AGTPBP1: variants seen among roughly 807,000 people sequenced by gnomAD.
AGTPBP1 encodes the protein cytosolic carboxypeptidase 1.
Under a neutral mutation model 143.9 loss-of-function variants are expected in AGTPBP1, and 70 were observed. The observed-to-expected ratio is 0.49, with a 90% CI of 0.40 to 0.59. AGTPBP1 has a LOEUF of 0.59. Among genes scored for constraint, AGTPBP1 ranks in the 20% least tolerant of loss-of-function variants. The probability of loss-of-function intolerance (pLI) is 0.00; values close to 1 mark genes in which losing one functional copy is unlikely to be tolerated. For synonymous variants in AGTPBP1, 463 were observed against 500.2 expected (o/e 0.93, Z 0.99); for missense variants, 1,229 against 1,464.5 (o/e 0.84, Z 2.62).
At chr9:85,727,784 A>T (rs1344094964) in intron 1 of AGTPBP1, among the ~76,000 whole-genome samples, 3 of 152,120 alleles carry the variant, frequency 2.0e-5, no homozygotes, top group Non-Finnish European at 4.4e-5. Context: ...GAGGAGACCA[A>T]GGCAAGAGGA....
chr9:85,579,596 T>A (rs754214467), intron 23 of AGTPBP1, among the ~76,000 whole-genome samples: 2 of 148,794 alleles, frequency 1.3e-5, no homozygotes, highest in Non-Finnish European at 3.0e-5. Flanking sequence ...TGTGTGTGTG[T>A]GTGTGGGGCG....
intron 14 of AGTPBP1, among the ~76,000 whole-genome samples, chr9:85,622,657 TCTA>T (rs1160425547): frequency 6.6e-6 from 1 of 152,174 alleles, no homozygotes; most frequent in Non-Finnish European, 1.5e-5. Context: ...GAAAAAAAGA[TCTA>T]CTATCAAAAA....
the AGTPBP1 span, among the ~76,000 whole-genome samples, chr9:85,756,558 TAGAC>T: frequency 3.2e-4 from 49 of 151,760 alleles, no homozygotes; most frequent in Middle Eastern, 0.01. Context: ...GATAGATAGA[TAGAC>T]AGAGAGATAG....
At chr9:85,742,034 T>G (rs1278683612), upstream of AGTPBP1, 3 of 1,192,258 alleles carry the variant, frequency 2.5e-6, no homozygotes, top group Non-Finnish European at 3.1e-6. Context: ...GCGCAGGGAG[T>G]GGGGGCGGGG....
chr9:85,594,845 G>C (rs928862651), intron 18 of AGTPBP1, among the ~76,000 whole-genome samples: 1 of 152,174 alleles, frequency 6.6e-6, no homozygotes, highest in Non-Finnish European at 1.5e-5. Context: ...AGCATTCATT[G>C]ATTGACAATT....
At chr9:85,679,726 T>C (rs1835052025) in intron 4 of AGTPBP1, among the ~76,000 whole-genome samples, 1 of 152,174 alleles carries the variant, frequency 6.6e-6, no homozygotes, top group Non-Finnish European at 1.5e-5. Context: ...AAGAAGTTCT[T>C]TACATGTCAA....
At chr9:85,785,358 T>C in the AGTPBP1 span, among the ~76,000 whole-genome samples, 1 of 151,716 alleles carries the variant, frequency 6.6e-6, no homozygotes, top group East Asian at 1.9e-4. Context: ...AAAAAACTTT[T>C]GTCTTTGCAG....
At chr9:85,737,092 C>A (rs879857716) in intron 1 of AGTPBP1, among the ~76,000 whole-genome samples, 1 of 152,080 alleles carries the variant, frequency 6.6e-6, no homozygotes, top group Non-Finnish European at 1.5e-5. Flanking sequence ...GGCGACAGAG[C>A]AAGACTCCAT....
intron 19 of AGTPBP1, among the ~76,000 whole-genome samples, chr9:85,590,758 A>T (rs1325010892): frequency 6.6e-6 from 1 of 152,200 alleles, no homozygotes; most frequent in Non-Finnish European, 1.5e-5. Context: ...AGCAGAGATG[A>T]GTACTGCAGG....
At chr9:85,689,932 A>T (rs1835751147) in intron 3 of AGTPBP1, among the ~76,000 whole-genome samples, 1 of 137,654 alleles carries the variant, frequency 7.3e-6, no homozygotes, top group African/African-American at 2.7e-5. Flanking sequence ...AAAAATATAT[A>T]TATATATATA....
intron 6 of AGTPBP1, among the ~76,000 whole-genome samples, chr9:85,674,045 C>T (rs979072048): frequency 1.3e-5 from 2 of 150,972 alleles, no homozygotes; most frequent in South Asian, 2.1e-4. Flanking sequence ...ATGGCATGAA[C>T]CCAGGAGGAG....
intron 2 of AGTPBP1, among the ~76,000 whole-genome samples, chr9:85,697,454 T>TTG (rs1334687330): frequency 7.8e-6 from 1 of 129,014 alleles, no homozygotes; most frequent in African/African-American, 2.9e-5. Flanking sequence ...TGTTTTTTTT[T>TTG]TTTTTTTTTT....
chr9:85,667,903 T>TAAAAAA (rs11433029), intron 8 of AGTPBP1, among the ~76,000 whole-genome samples: 2 of 99,332 alleles, frequency 2.0e-5, no homozygotes, highest in East Asian at 2.5e-4. Context: ...AAGCCAACTG[T>TAAAAAA]AAAAAAAAAA....
Position 85,633,365 on chromosome 9 carries a change from A to G in AGTPBP1, c.1312T>C (p.Leu438=). Residue 438 remains leucine, a synonymous_variant, in exon 14 of 26, where the codon TTA becomes CTA. Coordinates refer to ENST00000357081, the MANE Select transcript of AGTPBP1 (RefSeq NM_001330701.2). ...ELVDDFQDYD[L]ISKEPKPFVF... ...AAAGGCTTTGGTTCTTTGGAGATTAAATCATAGTCCTTTGAAAATAAAAAC... is the reference window on the plus strand; with the variant it reads ...AAAGGCTTTGGTTCTTTGGAGATTAGATCATAGTCCTTTGAAAATAAAAAC... The G allele has an allele frequency of 6.4e-7, 1 of 1,562,080 alleles. No individual in the cohort carries two copies. Among genetic ancestry groups the G allele is most frequent in the East Asian group, 2.2e-5 (1 of 44,538 alleles).
At position 85,551,994 on chromosome 9, in the gene AGTPBP1, C is replaced by G. The variant is rs1826064022; in HGVS notation, c.3504-4708G>C. ...CCATTTTCTTCAGATAAGTTTACTC[C>G]TTTTGGCTTGTCCTGCATCCTTTTC... On this transcript the variant is annotated intron_variant, in intron 25 of 25. Coordinates refer to ENST00000357081, the MANE Select transcript of AGTPBP1 (RefSeq NM_001330701.2). Among the ~76,000 whole-genome samples the G allele has an allele frequency of 3.3e-5, 5 of 152,314 alleles. No individual in the cohort carries two copies. The South Asian group carries it at 8.3e-4, about 25-fold the overall frequency.
Position 85,739,427 on chromosome 9 carries a change from G to T in AGTPBP1, c.-34+2348C>A, listed in dbSNP as rs1013203898. ...ATGAGGTTTAAAAAAATTCAGGCCA[G>T]GACGGGCGTGGTGGCGGACGCCTGT... On this transcript the variant is annotated intron_variant, in intron 1 of 25. Coordinates refer to ENST00000357081, the MANE Select transcript of AGTPBP1 (RefSeq NM_001330701.2). 5.3e-5 allele frequency among the ~76,000 whole-genome samples: 8 copies of T among 152,284 alleles called. No homozygotes were observed. In the East Asian group the frequency reaches 5.8e-4, roughly 11 times the overall value.
upstream of AGTPBP1, among the ~76,000 whole-genome samples, chr9:85,745,918 G>C (rs940535074): frequency 3.9e-5 from 6 of 152,182 alleles, no homozygotes; most frequent in African/African-American, 1.4e-4. Flanking sequence ...TCGAGCTCCA[G>C]ACATAGACAA....
intron 3 of AGTPBP1, among the ~76,000 whole-genome samples, chr9:85,684,357 T>C (rs1314986702): frequency 6.6e-6 from 1 of 152,190 alleles, no homozygotes; most frequent in African/African-American, 2.4e-5. Context: ...AGCAGGACAG[T>C]GGAGGTTAGG....
chr9:85,659,124 C>T (rs1833706633), intron 9 of AGTPBP1, among the ~76,000 whole-genome samples: 1 of 152,010 alleles, frequency 6.6e-6, no homozygotes, highest in Non-Finnish European at 1.5e-5. Flanking sequence ...GAAACTTGCC[C>T]ATAATTCAAA....
Sources: gnomAD v4.1 joint callset for allele counts (sites outside exome capture counted in the v4.1 genomes callset) on GRCh38, gnomAD v4.1.1 for gene constraint, MANE v1.5 for transcripts, NCBI Gene and HGNC (gene_info 2026-07-23, HGNC 2026-07-21) for gene names.